The following C8A variants were observed in gnomAD, a reference collection of about 807,000 sequenced individuals.
C8A encodes complement C8 alpha chain.
A neutral mutation model predicts 65.3 loss-of-function variants in C8A; 67 were observed. That is an observed-to-expected ratio of 1.03 (90% CI 0.84 to 1.26). The LOEUF is 1.26. C8A is among the 50% of genes most tolerant of loss of function. The probability of loss-of-function intolerance (pLI) is 0.00; values close to 1 mark genes in which losing one functional copy is unlikely to be tolerated. For synonymous variants in C8A, 290 were observed against 259.4 expected (o/e 1.12, Z -1.13); for missense variants, 781 against 723.9 (o/e 1.08, Z -0.90).
chr1:56,880,756 TAATG>T (rs1644241294), intron 4 of C8A, among the ~76,000 whole-genome samples: 1 of 152,188 alleles, frequency 6.6e-6, no homozygotes, highest in Admixed American at 6.6e-5. Context: ...ATTCAGTCCT[TAATG>T]TATGCTGAGC....
Position 56,876,101 on chromosome 1 carries a change from AG to A in C8A, c.358del (p.Asp120ThrfsTer40). On this transcript the variant is annotated frameshift_variant, in exon 4 of 11. Coordinates refer to ENST00000361249, the MANE Select transcript of C8A (RefSeq NM_000562.3). LOFTEE classifies it high-confidence loss of function. ...LKRHLVCNGD[Q>X]DCLDGSDEDD... ...CGCCACCTTGTGTGTAATGGAGACCAGGACTGCCTTGATGGCTCTGATGAGG... is the reference window on the plus strand; with the variant it reads ...CGCCACCTTGTGTGTAATGGAGACCAGACTGCCTTGATGGCTCTGATGAGG... The A allele has an allele frequency of 6.2e-7, 1 of 1,613,888 alleles. No individual in the cohort carries two copies. The highest frequency in any genetic ancestry group is 1.1e-5 in the South Asian group (1 of 91,084).
intron 1 of C8A, among the ~76,000 whole-genome samples, chr1:56,861,043 A>C (rs1002339951): frequency 7.9e-5 from 12 of 152,226 alleles, no homozygotes; most frequent in African/African-American, 2.9e-4. Flanking sequence ...TATTTGGCTC[A>C]TGGTTGTGCA....
chr1:56,911,012 C>T (rs1644500805), intron 9 of C8A, among the ~76,000 whole-genome samples: 1 of 150,492 alleles, frequency 6.6e-6, no homozygotes. Flanking sequence ...ACATGTATAA[C>T]ATTATAAGCA....
At chr1:56,917,523 C>G (rs745963824) in intron 10 of C8A, 42 bp from the exon 11 acceptor site, 1 of 1,610,848 alleles carries the variant, frequency 6.2e-7, no homozygotes, top group African/African-American at 1.3e-5. Flanking sequence ...TCCTTCTTAG[C>G]CATATGCTAA....
chr1:56,889,728 T>C (rs1644329636), intron 7 of C8A, among the ~76,000 whole-genome samples: 1 of 152,144 alleles, frequency 6.6e-6, no homozygotes, highest in South Asian at 2.1e-4. Flanking sequence ...GGGGAATCTT[T>C]TGTCCTTGGG....
Position 56,859,544 on chromosome 1 carries a change from T to C in C8A, c.77+4566T>C, listed in dbSNP as rs1368198797. On this transcript the variant is annotated intron_variant, in intron 1 of 10. Coordinates refer to ENST00000361249, the MANE Select transcript of C8A (RefSeq NM_000562.3). ...GGAGGAAATAGCATTATGCAAATAC[T>C]GCAGGAGAGCCCAGTACATGCTTGG... Among the ~76,000 whole-genome samples, 6 of 152,346 alleles carry C rather than the reference T, an allele frequency of 3.9e-5. No individual in the cohort carries two copies. The East Asian group carries it at 1.2e-3, about 29-fold the overall frequency.
chr1:56,855,975 G>A (rs1042272159), intron 1 of C8A, among the ~76,000 whole-genome samples: 1 of 152,022 alleles, frequency 6.6e-6, no homozygotes, highest in Non-Finnish European at 1.5e-5. Context: ...ACTGTGTAAA[G>A]GAAATCTCCG....
At chr1:56,885,715 C>A (rs1644294147) in intron 6 of C8A, among the ~76,000 whole-genome samples, 1 of 151,352 alleles carries the variant, frequency 6.6e-6, no homozygotes, top group Admixed American at 6.6e-5. Flanking sequence ...CCATGCCCAG[C>A]TAATTTTTGT....
At chr1:56,897,557 A>G (rs570917901) in intron 7 of C8A, among the ~76,000 whole-genome samples, 58 of 152,352 alleles carry the variant, frequency 3.8e-4, no homozygotes, top group Admixed American at 1.9e-3. Context: ...TGTATTTACT[A>G]TACAGTTATT....
chr1:56,905,706 G>T (rs908047822), intron 7 of C8A, among the ~76,000 whole-genome samples: 1 of 152,128 alleles, frequency 6.6e-6, no homozygotes, highest in African/African-American at 2.4e-5. Flanking sequence ...CAGTATGACT[G>T]GAAATAATTA....
At chr1:56,899,615 T>C (rs1467136729) in intron 7 of C8A, among the ~76,000 whole-genome samples, 1 of 152,182 alleles carries the variant, frequency 6.6e-6, no homozygotes, top group Non-Finnish European at 1.5e-5. Context: ...TAACCACTTA[T>C]ACTGCAGAAA....
At chr1:56,870,330 T>G (rs762547758) in intron 2 of C8A, among the ~76,000 whole-genome samples, 1 of 151,978 alleles carries the variant, frequency 6.6e-6, no homozygotes, top group Non-Finnish European at 1.5e-5. Flanking sequence ...CTGCAATTAC[T>G]TTTGCAGCAA....
chr1:56,883,236 T>C (rs926976888), intron 5 of C8A, among the ~76,000 whole-genome samples: 1 of 152,096 alleles, frequency 6.6e-6, no homozygotes, highest in Non-Finnish European at 1.5e-5. Flanking sequence ...TGTGTGTGTG[T>C]GTGTGTGTGT....
chr1:56,893,023 G>T (rs1644360019), intron 7 of C8A, among the ~76,000 whole-genome samples: 1 of 152,062 alleles, frequency 6.6e-6, no homozygotes, highest in African/African-American at 2.4e-5. Context: ...TAGCCATTCT[G>T]CCACCATATC....
chr1:56,903,669 A>G (rs924544594), intron 7 of C8A, among the ~76,000 whole-genome samples: 2 of 152,204 alleles, frequency 1.3e-5, no homozygotes, highest in Admixed American at 1.3e-4. Context: ...AAAGGTATCA[A>G]CTGAGACAGG....
chr1:56,883,766 T>C, intron 6 of C8A, 85 bp downstream of exon 6: 3 of 1,182,304 alleles, frequency 2.5e-6, no homozygotes, highest in Non-Finnish European at 3.7e-6. Context: ...AAAAGTACAG[T>C]AGTAATTGAA....
chr1:56,865,339 G>A (rs1179280669), intron 1 of C8A, among the ~76,000 whole-genome samples: 2 of 152,200 alleles, frequency 1.3e-5, no homozygotes, highest in African/African-American at 4.8e-5. Context: ...CAAGGCACTG[G>A]CAGATTCAGT....
chr1:56,868,861 C>A (rs536882269), intron 2 of C8A, among the ~76,000 whole-genome samples: 4 of 152,212 alleles, frequency 2.6e-5, no homozygotes, highest in East Asian at 1.9e-4. Context: ...TATTTTTAAT[C>A]ATCTTTGTGC....
chr1:56,897,389 C>G (rs1644394647), intron 7 of C8A, among the ~76,000 whole-genome samples: 2 of 152,144 alleles, frequency 1.3e-5, no homozygotes, highest in African/African-American at 2.4e-5. Context: ...GAAGAAGTGT[C>G]TAAGCCAGGG....
Sources: allele counts gnomAD v4.1 joint callset (sites outside exome capture counted in the v4.1 genomes callset), GRCh38; gene constraint gnomAD v4.1.1; transcripts MANE v1.5; gene names NCBI Gene and HGNC (gene_info 2026-07-23, HGNC 2026-07-21).